SDK1: variants seen among roughly 807,000 people sequenced by gnomAD.
SDK1 encodes protein sidekick-1.
SDK1 carries 157 observed loss-of-function variants against 245.5 expected under a neutral mutation model. The observed-to-expected ratio is 0.64, with a 90% CI of 0.56 to 0.73. The LOEUF is 0.73. SDK1 is among the 30% of genes least tolerant of loss of function. The pLI is 0.00. For synonymous variants in SDK1, 1,647 were observed against 1,278.5 expected (o/e 1.29, Z -6.15); for missense variants, 3,583 against 3,002.3 (o/e 1.19, Z -4.52).
intron 17 of SDK1, among the ~76,000 whole-genome samples, chr7:4,047,192 A>G (rs1003371605): frequency 1.3e-5 from 2 of 152,154 alleles, no homozygotes; most frequent in Non-Finnish European, 2.9e-5. Context: ...TTCTTTTTTA[A>G]AAAATCACAA....
At chr7:3,955,298 C>A (rs1169343695) in intron 7 of SDK1, among the ~76,000 whole-genome samples, 1 of 152,206 alleles carries the variant, frequency 6.6e-6, no homozygotes, top group Non-Finnish European at 1.5e-5. Context: ...TGGCTCATCT[C>A]CAGAGCCAGC....
At chr7:3,926,732 A>G (rs2128115538) in intron 5 of SDK1, among the ~76,000 whole-genome samples, 1 of 152,254 alleles carries the variant, frequency 6.6e-6, no homozygotes, top group South Asian at 2.1e-4. Flanking sequence ...ACCAGCCACC[A>G]CTTTCTACGA....
chr7:3,713,194 G>GC (rs1785098369), intron 4 of SDK1, among the ~76,000 whole-genome samples: 1 of 152,212 alleles, frequency 6.6e-6, no homozygotes, highest in Non-Finnish European at 1.5e-5. Flanking sequence ...CGGCTGCTCA[G>GC]CGAATTGATG....
chr7:3,762,214 G>A (rs576538317), intron 4 of SDK1, among the ~76,000 whole-genome samples: 1 of 152,298 alleles, frequency 6.6e-6, no homozygotes, highest in South Asian at 2.1e-4. Context: ...AGTTGAGGAA[G>A]CAGTACCTCC....
rs189840002 is a variant in SDK1 at position 3,369,084 on chromosome 7, G to C, written c.298+67200G>C. Reference sequence around the variant, plus strand: ...TTTTGAGACAGAGTCTTGCTCTGTTGGCCAGGCTGGTGTGCAATGGTGTGA... The same window carrying C: ...TTTTGAGACAGAGTCTTGCTCTGTTCGCCAGGCTGGTGTGCAATGGTGTGA... On this transcript the variant is annotated intron_variant, in intron 1 of 44. Coordinates refer to ENST00000404826, the MANE Select transcript of SDK1 (RefSeq NM_152744.4). Among the ~76,000 whole-genome samples, 469 of 150,738 alleles carry C rather than the reference G, an allele frequency of 3.1e-3. 1 individual carries two copies. The highest frequency in any genetic ancestry group is 0.011 in the African/African-American group (441 of 40,956).
At chr7:3,327,084 C>G (rs1028464451) in intron 1 of SDK1, among the ~76,000 whole-genome samples, 1 of 152,148 alleles carries the variant, frequency 6.6e-6, no homozygotes, top group African/African-American at 2.4e-5. Context: ...GGTAACCAGA[C>G]TCTGAGCTGG....
intron 22 of SDK1, among the ~76,000 whole-genome samples, chr7:4,102,232 G>T (rs1418255312): frequency 6.6e-6 from 1 of 152,130 alleles, no homozygotes; most frequent in African/African-American, 2.4e-5. Context: ...GCCTTTACCA[G>T]AAGCCCCCAT....
At chr7:4,193,398 A>ATATATATATAT (rs1783357923) in intron 35 of SDK1, among the ~76,000 whole-genome samples, 1 of 126,544 alleles carries the variant, frequency 7.9e-6, no homozygotes, top group African/African-American at 3.0e-5. Context: ...ATATATATAT[A>ATATATATATAT]AAGGGGAGTT....
At position 3,672,759 on chromosome 7, in the gene SDK1, T is replaced by TATATATACATATATATATATATATA. The variant is rs1554307103; in HGVS notation, c.713+30654_713+30655insATATATACATATATATATATATATA. ...ATATATATTTTTATAATATATAATTTTATATATATATATATATATATATAT... is the reference window on the plus strand; with the variant it reads ...ATATATATTTTTATAATATATAATTTATATATACATATATATATATATATATATATATATATATATATATATATAT... On this transcript the variant is annotated intron_variant, in intron 4 of 44. Transcript: ENST00000404826. Among the ~76,000 whole-genome samples the TATATATACATATATATATATATATA allele has an allele frequency of 2.6e-3, 131 of 50,586 alleles. 8 individuals carry two copies. Among genetic ancestry groups the TATATATACATATATATATATATATA allele is most frequent in the African/African-American group, 4.0e-3 (46 of 11,492 alleles). 33.2% of individuals were successfully genotyped at this position (50,586 alleles called of 152,430 possible).
At chr7:4,100,521 C>A (rs1043776699) in intron 22 of SDK1, among the ~76,000 whole-genome samples, 2 of 152,120 alleles carry the variant, frequency 1.3e-5, no homozygotes, top group Non-Finnish European at 2.9e-5. Context: ...TGTCAGCAGG[C>A]CTTTAGGAGG....
intron 5 of SDK1, among the ~76,000 whole-genome samples, chr7:3,841,703 T>C (rs1245139298): frequency 5.3e-5 from 8 of 151,886 alleles, no homozygotes; most frequent in Non-Finnish European, 1.0e-4. Context: ...GCTGGGATTA[T>C]AGGTGCCCGC....
intron 1 of SDK1, among the ~76,000 whole-genome samples, chr7:3,534,460 T>C (rs1035656709): frequency 1.3e-5 from 2 of 152,214 alleles, no homozygotes; most frequent in African/African-American, 2.4e-5. Context: ...GAAACCTCCA[T>C]ACCATTTTCC....
At chr7:3,604,168 G>A (rs1171539135) in intron 1 of SDK1, among the ~76,000 whole-genome samples, 1 of 152,142 alleles carries the variant, frequency 6.6e-6, no homozygotes, top group Non-Finnish European at 1.5e-5. Flanking sequence ...TCTCTGCCAG[G>A]CTTTGGTATC....
At position 3,956,760 on chromosome 7, in the gene SDK1, A is replaced by G. The variant is rs551160747; in HGVS notation, c.1151-2171A>G. Reference sequence around the variant, plus strand: ...TGCCAAACACAGATGGTCCCTGGCTAGGGTGGAGAGAGGTCACCACTTGGA... The same window carrying G: ...TGCCAAACACAGATGGTCCCTGGCTGGGGTGGAGAGAGGTCACCACTTGGA... On this transcript the variant is annotated intron_variant, in intron 7 of 44. Coordinates refer to ENST00000404826, the MANE Select transcript of SDK1 (RefSeq NM_152744.4). 1.7e-3 allele frequency among the ~76,000 whole-genome samples: 252 copies of G among 152,104 alleles called. 1 individual carries two copies. Among genetic ancestry groups the G allele is most frequent in the African/African-American group, 5.9e-3 (246 of 41,398 alleles).
chr7:4,206,487 C>A (rs559194497), intron 36 of SDK1, among the ~76,000 whole-genome samples: 1 of 152,320 alleles, frequency 6.6e-6, no homozygotes, highest in African/African-American at 2.4e-5. Flanking sequence ...CTCACAAGGT[C>A]CCAGATGTGA....
chr7:4,103,895 C>T (rs990408343), intron 22 of SDK1, among the ~76,000 whole-genome samples: 1 of 152,254 alleles, frequency 6.6e-6, no homozygotes, highest in Non-Finnish European at 1.5e-5. Context: ...CCAGGTCAGA[C>T]GCTCTCAGTT....
intron 1 of SDK1, among the ~76,000 whole-genome samples, chr7:3,531,572 A>G (rs1783344739): frequency 6.6e-6 from 1 of 152,188 alleles, no homozygotes; most frequent in South Asian, 2.1e-4. Flanking sequence ...TTGTGCCACT[A>G]CCTAAGTATG....
intron 1 of SDK1, among the ~76,000 whole-genome samples, chr7:3,579,138 C>T (rs915487347): frequency 1.3e-5 from 2 of 152,006 alleles, no homozygotes; most frequent in South Asian, 2.1e-4. Context: ...TCTACTGAAA[C>T]TATTCCAATA....
chr7:4,221,178 G>C, intron 39 of SDK1, 61 bp from the exon 40 acceptor site: 2 of 1,595,270 alleles, frequency 1.3e-6, no homozygotes, highest in Non-Finnish European at 8.5e-7. Flanking sequence ...AAATCTCACG[G>C]GGTGGGATGT....
Sources: allele counts gnomAD v4.1 joint callset (sites outside exome capture counted in the v4.1 genomes callset), GRCh38; gene constraint gnomAD v4.1.1; transcripts MANE v1.5; gene names NCBI Gene and HGNC (gene_info 2026-07-23, HGNC 2026-07-21).